PDCD11: variants seen among roughly 807,000 people sequenced by gnomAD.
The protein encoded by PDCD11 is programmed cell death 11, also known as protein RRP5 homolog.
PDCD11 carries 97 observed loss-of-function variants against 198.9 expected under a neutral mutation model. The ratio of observed to expected loss-of-function variants is 0.49; its 90% CI spans 0.41 to 0.58. PDCD11 has a LOEUF of 0.58. PDCD11 is among the 20% of genes least tolerant of loss of function. The probability of loss-of-function intolerance (pLI) is 0.00; values close to 1 mark genes in which losing one functional copy is unlikely to be tolerated. For missense variants in PDCD11, 2,102 were observed against 2,312.7 expected (o/e 0.91, Z 1.87); for synonymous variants, 893 against 918.0 (o/e 0.97, Z 0.49).
At chr10:103,402,084 T>G (rs1253224482) in intron 3 of PDCD11, among the ~76,000 whole-genome samples, 1 of 152,230 alleles carries the variant, frequency 6.6e-6, no homozygotes, top group Non-Finnish European at 1.5e-5. Flanking sequence ...ATTTCTGGCT[T>G]CTTGTAAAAA....
At chr10:103,442,796 G>A (rs771175974) in intron 32 of PDCD11, among the ~76,000 whole-genome samples, 53 of 152,314 alleles carry the variant, frequency 3.5e-4, no homozygotes, top group Non-Finnish European at 6.3e-4. Context: ...TCCAAACAGA[G>A]GGAGTTTTTG....
At chr10:103,419,863 C>T (rs569079662) in intron 16 of PDCD11, among the ~76,000 whole-genome samples, 155 bp downstream of exon 16, 10 of 151,300 alleles carry the variant, frequency 6.6e-5, no homozygotes, top group Admixed American at 3.9e-4. Context: ...GATCTCTGCT[C>T]GCTGTAACCT....
intron 31 of PDCD11, 63 bp from the exon 32 acceptor site, chr10:103,442,150 C>T: frequency 6.3e-7 from 1 of 1,595,444 alleles, no homozygotes; most frequent in Non-Finnish European, 8.6e-7. Flanking sequence ...GTGACTTCCA[C>T]CACAGACCTC....
chr10:103,421,419 G>A lies in PDCD11; in HGVS notation c.2349G>A (p.Val783=), dbSNP rs1033454340. 6.2e-6 allele frequency: 10 copies of A among 1,607,916 alleles called. No individual in the cohort carries two copies. Among genetic ancestry groups the A allele is most frequent in the Non-Finnish European group, 7.6e-6 (9 of 1,177,238 alleles). Reference sequence around the variant, plus strand: ...AGGGCCAGACAGTAGCGGCAAAGGTGACCAATGTGGATGAGGAGAAGCAGC... The same window carrying A: ...AGGGCCAGACAGTAGCGGCAAAGGTAACCAATGTGGATGAGGAGAAGCAGC... ...FVEGQTVAAK[V]TNVDEEKQRM... The change falls in exon 17 of 36, where the codon GTG becomes GTA. Residue 783 remains valine, a synonymous_variant. Coordinates refer to ENST00000369797, the MANE Select transcript of PDCD11 (RefSeq NM_014976.2).
intron 5 of PDCD11, 61 bp downstream of exon 5, chr10:103,405,244 G>A: frequency 1.4e-5 from 21 of 1,549,854 alleles, no homozygotes; most frequent in Non-Finnish European, 1.7e-5. Flanking sequence ...CTCTGAGGGA[G>A]CGTGGTCTAG....
chr10:103,423,752 C>A, intron 19 of PDCD11, 94 bp downstream of exon 19: 1 of 810,234 alleles, frequency 1.2e-6, no homozygotes, highest in Non-Finnish European at 2.1e-6. Flanking sequence ...ATGCCTGTAG[C>A]AAGGGTAGCC....
chr10:103,441,921 A>T lies in PDCD11; in HGVS notation c.4653A>T (p.Pro1551=). Residue 1551 remains proline, a synonymous_variant, in exon 31 of 36, where the codon CCA becomes CCT. Transcript: ENST00000369797. ...VGLDSLTPAL[P]PLAESSDSEE... is the part of the protein sequence containing the mutation. ...TAGACTCTCTGACCCCGGCCTTGCC[A>T]CCTCTAGCAGAGAGCTCAGACAGCG... 1 of 1,614,200 alleles carries T rather than the reference A, an allele frequency of 6.2e-7. No homozygotes were observed. The highest frequency in any genetic ancestry group is 1.1e-5 in the South Asian group (1 of 91,088).
rs1351356097 is a variant in PDCD11 at position 103,425,356 on chromosome 10, A to G, written c.3136A>G (p.Ile1046Val). The change falls in exon 20 of 36, where the codon ATT (isoleucine) becomes GTT (valine). Residue 1046 changes from isoleucine (I) to valine (V), a missense_variant. Physicochemically the swap from Ile to Val is conservative, Grantham distance 29. Transcript: ENST00000369797. ...CATGGTCACAGGGACTGTCAAGTCC[A>G]TTAAGCCTACCCATGTGGTTGTGAC... is the stretch of plus-strand genomic sequence containing the variant. ...GDMVTGTVKS[I>V]KPTHVVVTLE... 1.9e-6 allele frequency: 3 copies of G among 1,614,198 alleles called. No individual in the cohort carries two copies. The Admixed American group carries it at 5.0e-5, about 27-fold the overall frequency.
chr10:103,406,286 G>A (rs577176035), intron 6 of PDCD11, among the ~76,000 whole-genome samples, 178 bp downstream of exon 6: 1 of 152,286 alleles, frequency 6.6e-6, no homozygotes, highest in Admixed American at 6.5e-5. Context: ...AAGGGCCAGC[G>A]AGTGGTAAGG....
rs774560271 is a variant in PDCD11 at position 103,416,636 on chromosome 10, A to C, written c.1664A>C (p.Tyr555Ser). 1.2e-5 allele frequency: 19 copies of C among 1,614,194 alleles called. No individual in the cohort carries two copies. The South Asian group carries it at 1.9e-4, about 16-fold the overall frequency. ...GGCTTCATCATCAGGGTCAAGGACTATGGCTGCATTGTGAAGTTCTACAAC... is the reference window on the plus strand; with the variant it reads ...GGCTTCATCATCAGGGTCAAGGACTCTGGCTGCATTGTGAAGTTCTACAAC... ...THGFIIRVKD[Y>S]GCIVKFYNNV... The change falls in exon 13 of 36, where the codon TAT (tyrosine) becomes TCT (serine). Residue 555 changes from tyrosine to serine, a missense_variant. Coordinates refer to ENST00000369797, the MANE Select transcript of PDCD11 (RefSeq NM_014976.2).
At chr10:103,417,042 G>A (rs1170566259) in intron 13 of PDCD11, among the ~76,000 whole-genome samples, 1 of 152,178 alleles carries the variant, frequency 6.6e-6, no homozygotes, top group African/African-American at 2.4e-5. Context: ...GTCACCACAT[G>A]GGGGCAGTGC....
intron 34 of PDCD11, 181 bp downstream of exon 34, chr10:103,444,249 A>C: frequency 3.1e-6 from 2 of 647,524 alleles, no homozygotes; most frequent in Middle Eastern, 4.2e-4. Context: ...CAGGCTCCAA[A>C]AGATGGAGGA....
rs746988664 is a variant in PDCD11, at chr10:103,421,484, G to A, written c.2414G>A (p.Gly805Glu). 9.4e-6 allele frequency: 15 copies of A among 1,598,226 alleles called. No homozygotes were observed. The highest frequency in any genetic ancestry group is 1.3e-5 in the Non-Finnish European group (15 of 1,172,404). ...CTGCGGCTGTCGGACTGTGGTCTGG[G>A]GGACTTGGCTATCACCAGCCTCCTC... ...LSLRLSDCGL[G>E]DLAITSLLLL... The change falls in exon 17 of 36, where the codon GGG becomes GAG. Residue 805 changes from glycine to glutamate, a missense_variant. By Grantham distance (98) the Gly-to-Glu change is moderately conservative (BLOSUM62 -2). Coordinates refer to ENST00000369797, the MANE Select transcript of PDCD11 (RefSeq NM_014976.2).
intron 19 of PDCD11, among the ~76,000 whole-genome samples, chr10:103,424,203 C>G (rs1421611493): frequency 6.6e-6 from 1 of 152,176 alleles, no homozygotes; most frequent in Admixed American, 6.5e-5. Flanking sequence ...CCTCGCCTGC[C>G]TTGTCTTCTG....
chr10:103,404,974 G>T (rs370522678), intron 4 of PDCD11, 48 bp from the exon 5 acceptor site: 475 of 1,572,544 alleles, frequency 3.0e-4, no homozygotes, highest in Non-Finnish European at 3.8e-4. Flanking sequence ...TGGATTTTTG[G>T]TTCAGGAGAA....
chr10:103,419,794 T>C (rs2031322166), intron 16 of PDCD11, 86 bp downstream of exon 16: 2 of 1,244,880 alleles, frequency 1.6e-6, no homozygotes, highest in Non-Finnish European at 1.1e-6. Flanking sequence ...TAGGATACTT[T>C]ATTCCTTTTT....
chr10:103,398,377 A>G (rs372248285), intron 1 of PDCD11, 39 bp from the exon 2 acceptor site: 3 of 1,271,492 alleles, frequency 2.4e-6, no homozygotes, highest in Non-Finnish European at 3.5e-6. Context: ...ATCTGCTACC[A>G]AGACAACATG....
chr10:103,422,458 T>C (rs914555204), intron 17 of PDCD11, among the ~76,000 whole-genome samples: 3 of 151,212 alleles, frequency 2.0e-5, no homozygotes, highest in Non-Finnish European at 4.4e-5. Context: ...ATTACGAGCA[T>C]CCTAGATGTC....
chr10:103,432,268 A>T, intron 22 of PDCD11, 34 bp downstream of exon 22: 1 of 1,407,160 alleles, frequency 7.1e-7, no homozygotes, highest in Non-Finnish European at 1.0e-6. Flanking sequence ...ATGAGATGTC[A>T]TTCTTCTTTC....
Sources: allele counts gnomAD v4.1 joint callset (sites outside exome capture counted in the v4.1 genomes callset), GRCh38; gene constraint gnomAD v4.1.1; transcripts MANE v1.5; gene names NCBI Gene and HGNC (gene_info 2026-07-23, HGNC 2026-07-21).